The following ERBB4 variants were observed in gnomAD, a reference collection of about 807,000 sequenced individuals.
ERBB4 encodes erb-b2 receptor tyrosine kinase 4.
A neutral mutation model predicts 158.0 loss-of-function variants in ERBB4; 42 were observed. The ratio of observed to expected loss-of-function variants is 0.27; its 90% confidence interval spans 0.21 to 0.34. The LOEUF (loss-of-function observed/expected upper bound fraction) is 0.34, where lower values mean the gene tolerates loss of function less well. Ranked by LOEUF, ERBB4 falls within the 10% of genes least tolerant of loss-of-function variation. ERBB4 has a pLI of 1.00. For synonymous variants in ERBB4, 583 were observed against 558.7 expected, an observed-to-expected ratio of 1.04 and a Z score of -0.61; for missense variants, 1,333 against 1,624.1, an observed-to-expected ratio of 0.82 and a Z score of 3.08.
At chr2:211,993,725 A>T (rs1302206729) in intron 2 of ERBB4, among the ~76,000 whole-genome samples, 1 of 151,946 alleles carries the variant, frequency 6.6e-6, no homozygotes, top group Non-Finnish European at 1.5e-5. Context: ...TACAGGCAGA[A>T]TTATACTGGG....
intron 1 of ERBB4, among the ~76,000 whole-genome samples, chr2:212,320,730 A>G (rs909080022): frequency 1.3e-5 from 2 of 150,024 alleles, no homozygotes; most frequent in South Asian, 4.3e-4. Flanking sequence ...CTCTGGCCCT[A>G]GGGCCAGGTT....
At chr2:211,761,482 C>T (rs146988573) in intron 4 of ERBB4, among the ~76,000 whole-genome samples, 122 of 152,066 alleles carry the variant, frequency 8.0e-4, no homozygotes, top group African/African-American at 2.8e-3. Context: ...TTGGAAAAAG[C>T]GTCCTTTAAG....
intron 1 of ERBB4, among the ~76,000 whole-genome samples, chr2:212,500,487 T>A (rs1370997799): frequency 6.6e-6 from 1 of 152,140 alleles, no homozygotes; most frequent in Non-Finnish European, 1.5e-5. Flanking sequence ...TATAGGGCTA[T>A]TCTTAAAGTG....
chr2:212,432,665 A>T (rs1283741369), intron 1 of ERBB4, among the ~76,000 whole-genome samples: 1 of 152,190 alleles, frequency 6.6e-6, no homozygotes, highest in Non-Finnish European at 1.5e-5. Context: ...TAAGGATCAA[A>T]TTAGATTTTT....
intron 2 of ERBB4, among the ~76,000 whole-genome samples, chr2:212,084,112 A>G (rs2078530444): frequency 6.6e-6 from 1 of 151,948 alleles, no homozygotes; most frequent in Non-Finnish European, 1.5e-5. Flanking sequence ...CTCCCTCTTC[A>G]TCCGTGCAAA....
intron 2 of ERBB4, among the ~76,000 whole-genome samples, chr2:211,980,860 T>C (rs2081772140): frequency 6.6e-6 from 1 of 152,140 alleles, no homozygotes; most frequent in Non-Finnish European, 1.5e-5. Flanking sequence ...ATATTTCATA[T>C]GGCCTTCTTA....
Position 212,179,008 on chromosome 2 carries a change from T to C in ERBB4, c.83-54105A>G, listed in dbSNP as rs529507475. Among the ~76,000 whole-genome samples the C allele has an allele frequency of 1.9e-4, 29 of 151,832 alleles. 2 individuals carry two copies. In the South Asian group the frequency reaches 6.0e-3, roughly 31 times the overall value. On this transcript the variant is annotated intron_variant, in intron 1 of 27. Transcript: ENST00000342788. ...ATACCACAATCAAATATACAATTAA[T>C]ATATAAAAGTAATACTATATCTTTT...
intron 2 of ERBB4, among the ~76,000 whole-genome samples, chr2:212,042,262 C>T (rs745452599): frequency 3.3e-5 from 5 of 151,994 alleles, no homozygotes; most frequent in Admixed American, 6.6e-5. Flanking sequence ...CACAATAAGA[C>T]CTTGCAGGCG....
intron 1 of ERBB4, among the ~76,000 whole-genome samples, chr2:212,306,456 C>T (rs1275642782): frequency 6.6e-6 from 1 of 151,410 alleles, no homozygotes; most frequent in African/African-American, 2.4e-5. Flanking sequence ...TGCCCCTTTG[C>T]CCCATTTCTT....
intron 1 of ERBB4, among the ~76,000 whole-genome samples, chr2:212,474,365 G>C (rs567402417): frequency 6.6e-6 from 1 of 152,104 alleles, no homozygotes; most frequent in Non-Finnish European, 1.5e-5. Flanking sequence ...AAGTGACACT[G>C]ACTGTGCCTG....
At chr2:212,377,351 G>C (rs906647232) in intron 1 of ERBB4, among the ~76,000 whole-genome samples, 2 of 151,260 alleles carry the variant, frequency 1.3e-5, no homozygotes, top group Admixed American at 6.6e-5. Flanking sequence ...TGTGTCATTA[G>C]GCAATTTTGC....
intron 1 of ERBB4, among the ~76,000 whole-genome samples, chr2:212,400,060 C>T (rs922204637): frequency 8.6e-5 from 13 of 152,006 alleles, no homozygotes; most frequent in Admixed American, 2.0e-4. Flanking sequence ...ATGAGAAAAC[C>T]TGGAAAAAGC....
chr2:211,513,491 C>A (rs1296578949), intron 20 of ERBB4, among the ~76,000 whole-genome samples: 1 of 151,720 alleles, frequency 6.6e-6, no homozygotes. Flanking sequence ...TTTCCCCTCT[C>A]TCTATGAAAT....
chr2:212,092,221 A>AT (rs2078801020), intron 2 of ERBB4, among the ~76,000 whole-genome samples: 1 of 152,196 alleles, frequency 6.6e-6, no homozygotes, highest in African/African-American at 2.4e-5. Flanking sequence ...CCATTAGGGA[A>AT]TTATACATAG....
At chr2:211,391,566 G>C (rs943753311) in intron 25 of ERBB4, among the ~76,000 whole-genome samples, 4 of 152,164 alleles carry the variant, frequency 2.6e-5, no homozygotes, top group African/African-American at 9.7e-5. Context: ...TGGATGGAAT[G>C]AGTTTAATTC....
At chr2:211,582,513 A>T (rs2068134458) in intron 19 of ERBB4, among the ~76,000 whole-genome samples, 1 of 152,348 alleles carries the variant, frequency 6.6e-6, no homozygotes, top group South Asian at 2.1e-4. Flanking sequence ...TTAAAAAATA[A>T]AAATTTTAAA....
chr2:211,402,345 G>A (rs556722797), intron 25 of ERBB4, among the ~76,000 whole-genome samples: 1 of 151,990 alleles, frequency 6.6e-6, no homozygotes. Context: ...TTTAGATCTA[G>A]TTATCCTTGC....
intron 1 of ERBB4, among the ~76,000 whole-genome samples, chr2:212,483,792 A>G (rs1689834035): frequency 6.6e-6 from 1 of 152,138 alleles, no homozygotes; most frequent in Non-Finnish European, 1.5e-5. Context: ...GCTGGAGTGC[A>G]GTGGCGCGAT....
At chr2:212,056,008 G>A (rs553189751) in intron 2 of ERBB4, among the ~76,000 whole-genome samples, 5 of 152,260 alleles carry the variant, frequency 3.3e-5, no homozygotes, top group East Asian at 1.9e-4. Flanking sequence ...TGAACCCATC[G>A]CAAAGAAGCT....
Sources: gnomAD v4.1 joint callset for allele counts (sites outside exome capture counted in the v4.1 genomes callset) on GRCh38, gnomAD v4.1.1 for gene constraint, MANE v1.5 for transcripts, NCBI Gene and HGNC (gene_info 2026-07-23, HGNC 2026-07-21) for gene names.